The following BMPER variants were observed in gnomAD, a reference collection of about 807,000 sequenced individuals.
BMPER encodes BMP-binding endothelial regulator protein.
In BMPER, 45 loss-of-function variants were observed where a neutral mutation model predicts 87.3. That is an observed-to-expected ratio of 0.52 (90% confidence interval 0.41 to 0.66). BMPER has a LOEUF of 0.66. BMPER is among the 30% of genes least tolerant of loss of function. BMPER has a pLI of 0.00. For missense variants in BMPER, 784 were observed against 867.5 expected, an observed-to-expected ratio of 0.90 and a Z score of 1.21; for synonymous variants, 326 against 316.2, an observed-to-expected ratio of 1.03 and a Z score of -0.33.
intron 11 of BMPER, among the ~76,000 whole-genome samples, chr7:34,065,225 T>TCTCTCTCTCTCC: frequency 6.7e-6 from 1 of 149,924 alleles, no homozygotes; most frequent in African/African-American, 2.5e-5. Context: ...TCTCTCTCTC[T>TCTCTCTCTCTCC]CTCTCTCTCT....
Position 34,088,593 on chromosome 7 carries a change from T to C in BMPER, c.1745+2501T>C, listed in dbSNP as rs62449753. On this transcript the variant is annotated intron_variant, in intron 13 of 14. Transcript: ENST00000649409. ...GACTCCAGCCCAGCTCTGCCACTGT[T>C]AGCAGTGTGCCCTGGTGGCTAGCTG... 5.6e-3 allele frequency among the ~76,000 whole-genome samples: 849 copies of C among 152,282 alleles called. 4 individuals are homozygous for C. The highest frequency in any genetic ancestry group is 8.5e-3 in the Non-Finnish European group (575 of 68,014).
At chr7:34,117,581 C>T (rs1015537532) in intron 13 of BMPER, among the ~76,000 whole-genome samples, 1 of 152,216 alleles carries the variant, frequency 6.6e-6, no homozygotes, top group African/African-American at 2.4e-5. Context: ...TTTATCATAA[C>T]TCGAAGAAAG....
intron 11 of BMPER, among the ~76,000 whole-genome samples, chr7:34,071,270 G>C (rs1739497768): frequency 6.6e-6 from 1 of 152,076 alleles, no homozygotes; most frequent in Non-Finnish European, 1.5e-5. Context: ...TTTATAATAA[G>C]CAAATGAATA....
chr7:33,906,513 C>T (rs1301221581), intron 1 of BMPER, among the ~76,000 whole-genome samples: 1 of 151,822 alleles, frequency 6.6e-6, no homozygotes, highest in Non-Finnish European at 1.5e-5. Flanking sequence ...GTTGAAATAT[C>T]TTCATAAAGG....
Position 34,055,304 on chromosome 7 carries a change from G to C in BMPER, c.927+1G>C. On this transcript the variant is annotated splice_donor_variant, in intron 9 of 14. Coordinates refer to ENST00000649409, the MANE Select transcript of BMPER (RefSeq NM_001365308.1). LOFTEE classifies it high-confidence loss of function. ...CAAATTTGGCAACAAGATTTTCCAG[G>C]TATGTCATGAGACAAGCACATGGGA... The C allele has an allele frequency of 6.2e-7, 1 of 1,613,974 alleles. No individual in the cohort carries two copies. The highest frequency in any genetic ancestry group is 8.5e-7 in the Non-Finnish European group (1 of 1,179,998).
intron 6 of BMPER, among the ~76,000 whole-genome samples, chr7:34,002,789 T>C (rs1402728454): frequency 2.0e-5 from 3 of 151,770 alleles, no homozygotes; most frequent in African/African-American, 7.2e-5. Context: ...ACAATTTTTG[T>C]CTTAAAGACT....
chr7:34,055,192 C>T lies in BMPER; in HGVS notation c.816C>T (p.Cys272=). 1 of 1,614,132 alleles carries T rather than the reference C, an allele frequency of 6.2e-7. No homozygotes were observed. The highest frequency in any genetic ancestry group is 1.1e-5 in the South Asian group (1 of 91,082). The change falls in exon 9 of 15, where the codon TGC becomes TGT. Residue 272 remains cysteine, a synonymous_variant. Coordinates refer to ENST00000649409, the MANE Select transcript of BMPER (RefSeq NM_001365308.1). The part of the protein sequence containing the change: ...RDSTVVCKRK[C]SHPGGCDQGQ... Reference sequence around the variant, plus strand: ...CTACTGTGGTTTGCAAGAGGAAGTGCTCCCACCCTGGTGGCTGTGACCAAG... The same window carrying T: ...CTACTGTGGTTTGCAAGAGGAAGTGTTCCCACCCTGGTGGCTGTGACCAAG...
At chr7:33,920,469 A>AG (rs1389862149) in intron 2 of BMPER, among the ~76,000 whole-genome samples, 1 of 116,470 alleles carries the variant, frequency 8.6e-6, no homozygotes, top group African/African-American at 3.4e-5. Flanking sequence ...TCTATGGCCC[A>AG]GGCTGGAGTA....
intron 14 of BMPER, 44 bp downstream of exon 14, chr7:34,143,404 A>G (rs1790927737): frequency 4.3e-6 from 7 of 1,611,622 alleles, no homozygotes; most frequent in Admixed American, 1.7e-5. Flanking sequence ...GTTTACTGCA[A>G]TGCCCAAGAT....
At chr7:34,144,961 T>C (rs1037974314) in intron 14 of BMPER, among the ~76,000 whole-genome samples, 3 of 152,168 alleles carry the variant, frequency 2.0e-5, no homozygotes, top group African/African-American at 7.2e-5. Context: ...GCATTAAGAA[T>C]TGCCTTGAAG....
rs746409461 is a variant in BMPER, at chr7:34,058,102, G to T, written c.971G>T (p.Cys324Phe). 3 of 1,614,134 alleles carry T rather than the reference G, an allele frequency of 1.9e-6. No homozygotes were observed. In the South Asian group the frequency reaches 3.3e-5, roughly 18 times the overall value. Residue 324 changes from cysteine (C) to phenylalanine (F), a missense_variant, in exon 10 of 15, where the codon TGT (cysteine) becomes TTT (phenylalanine). Physicochemically the swap from Cys to Phe is radical, Grantham distance 205. Coordinates refer to ENST00000649409, the MANE Select transcript of BMPER (RefSeq NM_001365308.1). ...WSSINCTICACVKGRTECRNK... is the reference protein window; with the variant it reads ...WSSINCTICAFVKGRTECRNK... ...TCTATCAATTGTACCATCTGTGCTT[G>T]TGTGAAAGGCAGGACGGAGTGTCGC...
At chr7:34,077,769 C>T (rs1788903867) in intron 11 of BMPER, among the ~76,000 whole-genome samples, 1 of 152,188 alleles carries the variant, frequency 6.6e-6, no homozygotes, top group Non-Finnish European at 1.5e-5. Context: ...CTGGCACATC[C>T]TTCCTCTGTC....
intron 13 of BMPER, among the ~76,000 whole-genome samples, chr7:34,118,219 C>T (rs1790167050): frequency 6.6e-6 from 1 of 152,070 alleles, no homozygotes; most frequent in South Asian, 2.1e-4. Flanking sequence ...GCAGGAGAAT[C>T]GCTTGAACCC....
At chr7:33,980,645 A>G (rs1785827156) in intron 6 of BMPER, among the ~76,000 whole-genome samples, 1 of 152,202 alleles carries the variant, frequency 6.6e-6, no homozygotes, top group Non-Finnish European at 1.5e-5. Flanking sequence ...GTTCTTGGAA[A>G]TTGCTTACGG....
At chr7:34,113,331 ACC>A (rs199772635) in intron 13 of BMPER, among the ~76,000 whole-genome samples, 3,461 of 151,998 alleles carry the variant, frequency 0.023, 29 homozygotes, top group African/African-American at 0.034. Context: ...TGCAAGTGTT[ACC>A]TTTTTTGGTA....
At chr7:34,025,378 G>C (rs1282615784) in intron 6 of BMPER, among the ~76,000 whole-genome samples, 1 of 152,010 alleles carries the variant, frequency 6.6e-6, no homozygotes, top group African/African-American at 2.4e-5. Flanking sequence ...ATAGGAGAAA[G>C]ACCTCCACAG....
At chr7:33,949,632 A>G (rs964106733) in intron 3 of BMPER, among the ~76,000 whole-genome samples, 6 of 152,082 alleles carry the variant, frequency 3.9e-5, no homozygotes, top group African/African-American at 1.4e-4. Context: ...TTTGTGCTTA[A>G]GAGAATTTCT....
intron 12 of BMPER, among the ~76,000 whole-genome samples, chr7:34,084,273 C>T (rs1789139462): frequency 6.6e-6 from 1 of 152,214 alleles, no homozygotes; most frequent in Non-Finnish European, 1.5e-5. Context: ...TGCACTCCAG[C>T]CTGGGCGACA....
chr7:33,917,832 C>G (rs17170494), intron 2 of BMPER, among the ~76,000 whole-genome samples: 55,520 of 151,808 alleles, frequency 0.37, 10,350 homozygotes, highest in Middle Eastern at 0.51. Flanking sequence ...ATTTTTAGAC[C>G]CTGTGTGGTC....
Sources: gnomAD v4.1 joint callset for allele counts (sites outside exome capture counted in the v4.1 genomes callset) on GRCh38, gnomAD v4.1.1 for gene constraint, MANE v1.5 for transcripts, NCBI Gene and HGNC (gene_info 2026-07-23, HGNC 2026-07-21) for gene names.